The following HOXA6 variants were observed in gnomAD, a reference collection of about 807,000 sequenced individuals.
HOXA6 encodes homeobox protein Hox-A6.
A neutral mutation model predicts 23.2 loss-of-function variants in HOXA6; 19 were observed. The observed-to-expected ratio is 0.82, with a 90% CI of 0.57 to 1.20. The LOEUF is 1.20. HOXA6 is among the 50% of genes most tolerant of loss of function. The probability of loss-of-function intolerance (pLI) is 0.00; values close to 1 mark genes in which losing one functional copy is unlikely to be tolerated. For missense variants in HOXA6, 346 were observed against 313.6 expected, an observed-to-expected ratio of 1.10 and a Z score of -0.78; for synonymous variants, 140 against 132.6, an observed-to-expected ratio of 1.06 and a Z score of -0.38.
Position 27,145,749 on chromosome 7 carries a change from T to C in HOXA6, c.611A>G (p.Gln204Arg), listed in dbSNP as rs1188564430. ...CTTTTTCCACTTCATGCGGCGGTTC[T>C]GGAACCAGATCTTGATCTGGCGCTC... ...LTERQIKIWF[Q>R]NRRMKWKKEN... is the part of the protein sequence containing the mutation. Residue 204 changes from glutamine to arginine, a missense_variant, in exon 2 of 2, where the codon CAG becomes CGG. Physicochemically the swap from Gln to Arg is conservative, Grantham distance 43. Transcript: ENST00000222728. The C allele has an allele frequency of 6.2e-7, 1 of 1,614,258 alleles. No individual in the cohort carries two copies. The highest frequency in any genetic ancestry group is 1.7e-5 in the Admixed American group (1 of 60,038).
In HOXA6 at chr7:27,147,634, G is replaced by C. The variant is rs1190369577; in HGVS notation, c.116C>G (p.Pro39Arg). Residue 39 changes from proline (P) to arginine (R), a missense_variant, in exon 1 of 2, where the codon CCG becomes CGG. Coordinates refer to ENST00000222728, the MANE Select transcript of HOXA6 (RefSeq NM_024014.4). ...QAGYDALRPF[P>R]ASYGASSLPD... The stretch of plus-strand genomic sequence containing the variant: ...GAGACTCGACGCCCCGTACGAGGCC[G>C]GGAAGGGCCTCAGCGCGTCATAGCC... 4.3e-6 allele frequency: 7 copies of C among 1,614,168 alleles called. No individual in the cohort carries two copies. The highest frequency in any genetic ancestry group is 1.1e-5 in the South Asian group (1 of 91,082).
In HOXA6 at chr7:27,147,300, T is replaced by C. The variant is rs766010346; in HGVS notation, c.442+8A>G. On this transcript the variant is annotated splice_region_variant and intron_variant, in intron 1 of 1. Transcript: ENST00000222728. ...CCTCTCCCTCCACTGTCTTGGGATA[T>C]GTCTTACCCGCGCAGGAGTTCATCC... 8 of 1,611,634 alleles carry C rather than the reference T, an allele frequency of 5.0e-6. No homozygotes were observed. In the South Asian group the frequency reaches 7.7e-5, roughly 16 times the overall value.
chr7:27,147,345 C>G lies in HOXA6; in HGVS notation c.405G>C (p.Pro135=), dbSNP rs572360973. Residue 135 remains proline, a synonymous_variant, in exon 1 of 2, where the codon CCG becomes CCC. Coordinates refer to ENST00000222728, the MANE Select transcript of HOXA6 (RefSeq NM_024014.4). Reference sequence around the variant, plus strand: ...TCATCCGCTGCATCCAAGGGTAAACCGGGCTCGTGTACTTCCGGTCGGCGC... The same window carrying G: ...TCATCCGCTGCATCCAAGGGTAAACGGGGCTCGTGTACTTCCGGTCGGCGC... ...DEGADRKYTS[P]VYPWMQRMNS... is the part of the protein sequence containing the mutation. 3 of 1,614,158 alleles carry G rather than the reference C, an allele frequency of 1.9e-6. No individual in the cohort carries two copies. Among genetic ancestry groups the G allele is most frequent in the Admixed American group, 1.7e-5 (1 of 60,026 alleles).
In HOXA6 at chr7:27,147,314, A is replaced by C; in HGVS notation, c.436T>G (p.Cys146Gly). 4 of 1,613,194 alleles carry C rather than the reference A, an allele frequency of 2.5e-6. No individual in the cohort carries two copies. Among genetic ancestry groups the C allele is most frequent in the Non-Finnish European group, 3.4e-6 (4 of 1,179,722 alleles). Residue 146 changes from cysteine to glycine, a missense_variant, in exon 1 of 2, where the codon TGC (cysteine) becomes GGC (glycine). Coordinates refer to ENST00000222728, the MANE Select transcript of HOXA6 (RefSeq NM_024014.4). ...VYPWMQRMNSCAGAVYGSHGR... is the reference protein window; with the variant it reads ...VYPWMQRMNSGAGAVYGSHGR... Reference sequence around the variant, plus strand: ...GTCTTGGGATATGTCTTACCCGCGCAGGAGTTCATCCGCTGCATCCAAGGG... The same window carrying C: ...GTCTTGGGATATGTCTTACCCGCGCCGGAGTTCATCCGCTGCATCCAAGGG...
Position 27,147,563 on chromosome 7 carries a change from A to T in HOXA6, c.187T>A (p.Ser63Thr), listed in dbSNP as rs745867625. Residue 63 changes from serine to threonine, a missense_variant, in exon 1 of 2, where the codon TCG (serine) becomes ACG (threonine). Coordinates refer to ENST00000222728, the MANE Select transcript of HOXA6 (RefSeq NM_024014.4). ...GACGCCCGGTTGCAGGCCAGGACCG[A>T]GTTGGACTGTTGGTAGAAACAAGGT... Reference protein sequence around the residue: ...TSPCFYQQSNSVLACNRASYE... With the variant: ...TSPCFYQQSNTVLACNRASYE... The T allele has an allele frequency of 4.3e-6, 7 of 1,614,182 alleles. No homozygotes were observed. The Admixed American group carries it at 8.3e-5, about 19-fold the overall frequency.
chr7:27,147,344 C>T lies in HOXA6; in HGVS notation c.406G>A (p.Val136Ile), dbSNP rs749585006. Residue 136 changes from valine (V) to isoleucine (I), a missense_variant, in exon 1 of 2, where the codon GTT (valine) becomes ATT (isoleucine). Coordinates refer to ENST00000222728, the MANE Select transcript of HOXA6 (RefSeq NM_024014.4). ...TTCATCCGCTGCATCCAAGGGTAAA[C>T]CGGGCTCGTGTACTTCCGGTCGGCG... ...EGADRKYTSP[V>I]YPWMQRMNSC... 6 of 1,614,198 alleles carry T rather than the reference C, an allele frequency of 3.7e-6. No homozygotes were observed. The highest frequency in any genetic ancestry group is 8.5e-7 in the Non-Finnish European group (1 of 1,180,020).
intron 1 of HOXA6, among the ~76,000 whole-genome samples, chr7:27,146,785 G>C (rs1215935647): frequency 6.6e-6 from 1 of 152,210 alleles, no homozygotes; most frequent in Non-Finnish European, 1.5e-5. Flanking sequence ...GGAGATGAGG[G>C]AGGAGAGAGA....
In HOXA6 at chr7:27,147,625, T is replaced by C. The variant is rs757038196; in HGVS notation, c.125A>G (p.Tyr42Cys). The C allele has an allele frequency of 3.1e-6, 5 of 1,614,146 alleles. No homozygotes were observed. Among genetic ancestry groups the C allele is most frequent in the Non-Finnish European group, 4.2e-6 (5 of 1,180,034 alleles). Residue 42 changes from tyrosine to cysteine, a missense_variant, in exon 1 of 2, where the codon TAC becomes TGC. Tyr to Cys is a radical substitution (Grantham distance 194). Transcript: ENST00000222728. Reference sequence around the variant, plus strand: ...CTTGTCCGGGAGACTCGACGCCCCGTACGAGGCCGGGAAGGGCCTCAGCGC... The same window carrying C: ...CTTGTCCGGGAGACTCGACGCCCCGCACGAGGCCGGGAAGGGCCTCAGCGC... ...YDALRPFPAS[Y>C]GASSLPDKTY...
chr7:27,145,789 C>G lies in HOXA6; in HGVS notation c.571G>C (p.Ala191Pro), dbSNP rs759230509. ...TRRRRIEIAN[A>P]LCLTERQIKI... ...ATCTGGCGCTCGGTGAGGCAGAGCGCGTTGGCGATCTCGATGCGGCGGCGC... is the reference window on the plus strand; with the variant it reads ...ATCTGGCGCTCGGTGAGGCAGAGCGGGTTGGCGATCTCGATGCGGCGGCGC... Residue 191 changes from alanine to proline, a missense_variant, in exon 2 of 2, where the codon GCG becomes CCG. By Grantham distance (27) the Ala-to-Pro change is conservative (BLOSUM62 -1). Coordinates refer to ENST00000222728, the MANE Select transcript of HOXA6 (RefSeq NM_024014.4). The G allele has an allele frequency of 6.2e-7, 1 of 1,614,246 alleles. No individual in the cohort carries two copies. The highest frequency in any genetic ancestry group is 8.5e-7 in the Non-Finnish European group (1 of 1,180,052).
chr7:27,146,070 T>C (rs1782752110), intron 1 of HOXA6, among the ~76,000 whole-genome samples, 153 bp from the exon 2 acceptor site: 1 of 152,214 alleles, frequency 6.6e-6, no homozygotes, highest in African/African-American at 2.4e-5. Flanking sequence ...GCATACTGAA[T>C]GGGAGATTAT....
Position 27,145,448 on chromosome 7 carries a change from T to G in HOXA6, c.*210A>C. On this transcript the variant is annotated 3_prime_UTR_variant, in exon 2 of 2. Transcript: ENST00000222728. ...CCGCTGGTATTGGCTGTGTGTGAGG[T>G]TTTGTTTTGTTTTGTTTTGTTTTGT... The G allele has an allele frequency of 8.9e-5, 3 of 33,788 alleles. No homozygotes were observed. The highest frequency in any genetic ancestry group is 9.3e-5 in the Non-Finnish European group (2 of 21,522). The allele number at this position is 33,788 out of a possible 1,614,324, so 2.1% of individuals were successfully genotyped here. A position where few individuals can be genotyped will look rare whatever the true frequency, so the allele number is the denominator to read the frequency against.
rs992451084 is a variant in HOXA6 at position 27,145,691 on chromosome 7, G to T, written c.669C>A (p.Ser223Arg). 8 of 1,614,042 alleles carry T rather than the reference G, an allele frequency of 5.0e-6. No homozygotes were observed. In the African/African-American group the frequency reaches 1.1e-4, roughly 22 times the overall value. Residue 223 changes from serine (S) to arginine (R), a missense_variant, in exon 2 of 2, where the codon AGC becomes AGA. By Grantham distance (110) the Ser-to-Arg change is moderately radical. Transcript: ENST00000222728. ...ENKLINSTQPSGEDSEAKAGE is the reference protein window; with the variant it reads ...ENKLINSTQPRGEDSEAKAGE ...CCGCCTTTGCCTCTGAGTCCTCCCC[G>T]CTGGGCTGCGTGGAATTGATGAGCT... is the stretch of plus-strand genomic sequence containing the variant.
chr7:27,147,309 C>A lies in HOXA6; in HGVS notation c.441G>T (p.Ala147=), dbSNP rs758732272. The change falls in exon 1 of 2, where the codon GCG becomes GCT. Residue 147 remains alanine, a splice_region_variant and synonymous_variant. Coordinates refer to ENST00000222728, the MANE Select transcript of HOXA6 (RefSeq NM_024014.4). ...YPWMQRMNSC[A]GAVYGSHGRR... The stretch of plus-strand genomic sequence containing the variant: ...CCACTGTCTTGGGATATGTCTTACC[C>A]GCGCAGGAGTTCATCCGCTGCATCC... The A allele has an allele frequency of 1.2e-6, 2 of 1,612,688 alleles. No homozygotes were observed. Among genetic ancestry groups the A allele is most frequent in the Non-Finnish European group, 1.7e-6 (2 of 1,179,400 alleles).
intron 1 of HOXA6, 50 bp downstream of exon 1, chr7:27,147,258 T>C: frequency 6.6e-7 from 1 of 1,508,512 alleles, no homozygotes; most frequent in Non-Finnish European, 9.0e-7. Flanking sequence ...CTTTCTTTCT[T>C]TTCCTGCCTC....
chr7:27,147,408 G>GTCGGGTTTGTACTGCTGCTC lies in HOXA6; in HGVS notation c.322_341dup (p.Asp114GlufsTer37). On this transcript the variant is annotated frameshift_variant, in exon 1 of 2. Coordinates refer to ENST00000222728, the MANE Select transcript of HOXA6 (RefSeq NM_024014.4). LOFTEE classifies it high-confidence loss of function. ...GTGCTTTGCCCTGCCCGCTGCTGCTGTCGGGTTTGTACTGCTGCTCGGGAG... is the reference window on the plus strand; with the variant it reads ...GTGCTTTGCCCTGCCCGCTGCTGCTGTCGGGTTTGTACTGCTGCTCTCGGGTTTGTACTGCTGCTCGGGAG... 6.2e-7 allele frequency: 1 copy of GTCGGGTTTGTACTGCTGCTC among 1,614,240 alleles called. No homozygotes were observed. The highest frequency in any genetic ancestry group is 1.1e-5 in the South Asian group (1 of 91,090).
intron 1 of HOXA6, 120 bp from the exon 2 acceptor site, chr7:27,146,037 T>C: frequency 8.7e-7 from 1 of 1,155,050 alleles, no homozygotes; most frequent in Non-Finnish European, 1.2e-6. Flanking sequence ...CTCCAGCCTC[T>C]CCCACTATGT....
chr7:27,147,203 A>T, intron 1 of HOXA6, 105 bp downstream of exon 1: 6 of 1,144,460 alleles, frequency 5.2e-6, no homozygotes, highest in Non-Finnish European at 7.4e-6. Context: ...TGGTTCTTTC[A>T]TCCTTTCTTT....
Position 27,145,699 on chromosome 7 carries a change from G to A in HOXA6, c.661C>T (p.Gln221Ter). Residue 221 changes from glutamine to a stop codon, truncating the protein, a stop_gained, in exon 2 of 2, where the codon CAG (glutamine) becomes TAG (stop). Transcript: ENST00000222728. LOFTEE classifies it high-confidence loss of function. ...GCCTCTGAGTCCTCCCCGCTGGGCT[G>A]CGTGGAATTGATGAGCTTGTTTTCC... ...KKENKLINSTQPSGEDSEAKA... is the reference protein window; with the variant it reads ...KKENKLINST 2 of 1,614,200 alleles carry A rather than the reference G, an allele frequency of 1.2e-6. No individual in the cohort carries two copies. The highest frequency in any genetic ancestry group is 1.7e-6 in the Non-Finnish European group (2 of 1,180,040).
chr7:27,146,483 A>T (rs1782773240), intron 1 of HOXA6, among the ~76,000 whole-genome samples: 1 of 152,196 alleles, frequency 6.6e-6, no homozygotes, highest in African/African-American at 2.4e-5. Flanking sequence ...GATAAAGTGG[A>T]TGTTAATGGA....
Sources: allele counts gnomAD v4.1 joint callset (sites outside exome capture counted in the v4.1 genomes callset), GRCh38; gene constraint gnomAD v4.1.1; transcripts MANE v1.5; gene names NCBI Gene and HGNC (gene_info 2026-07-23, HGNC 2026-07-21).